TDRD1: variants seen among roughly 807,000 people sequenced by gnomAD.
The protein encoded by TDRD1 is tudor domain containing 1.
In TDRD1, 37 loss-of-function variants were observed where a neutral mutation model predicts 140.6. The observed-to-expected ratio is 0.26, with a 90% CI of 0.20 to 0.35. The LOEUF (loss-of-function observed/expected upper bound fraction) is 0.35, where lower values mean the gene tolerates loss of function less well. Ranked by LOEUF, TDRD1 falls within the 10% of genes least tolerant of loss-of-function variation. The probability of loss-of-function intolerance (pLI) is 1.00; values close to 1 mark genes in which losing one functional copy is unlikely to be tolerated. For synonymous variants in TDRD1, 506 were observed against 475.7 expected (o/e 1.06, Z -0.83); for missense variants, 1,243 against 1,393.0 (o/e 0.89, Z 1.71).
chr10:114,175,472 CA>C (rs1021253071), upstream of TDRD1, among the ~76,000 whole-genome samples: 1 of 152,036 alleles, frequency 6.6e-6, no homozygotes, highest in Non-Finnish European at 1.5e-5. Context: ...ACTCATGGTA[CA>C]TTTTTTTCGT....
chr10:114,218,800 C>T (rs894296369), intron 18 of TDRD1, among the ~76,000 whole-genome samples: 2 of 152,116 alleles, frequency 1.3e-5, no homozygotes, highest in African/African-American at 2.4e-5. Flanking sequence ...AAAAACTGCA[C>T]GATCCTCTGG....
At chr10:114,182,178 A>T (rs552029465) in intron 1 of TDRD1, among the ~76,000 whole-genome samples, 3 of 152,196 alleles carry the variant, frequency 2.0e-5, no homozygotes, top group Non-Finnish European at 1.5e-5. Context: ...TCATGTCAGT[A>T]TAAGAGTCTC....
upstream of TDRD1, among the ~76,000 whole-genome samples, chr10:114,176,362 C>T (rs927964951): frequency 1.3e-5 from 2 of 151,672 alleles, no homozygotes; most frequent in Non-Finnish European, 2.9e-5. This position sits in a 1 kb window ranked among gnomAD's most constrained non-coding sequence, Gnocchi z 4.2. Flanking sequence ...AAGAGAAACC[C>T]CTTTTTAAAA....
intron 3 of TDRD1, among the ~76,000 whole-genome samples, chr10:114,192,898 C>T (rs1459695978): frequency 6.6e-6 from 1 of 152,110 alleles, no homozygotes; most frequent in African/African-American, 2.4e-5. Context: ...CTTGATTTTT[C>T]TTTTTAAAAA....
chr10:114,204,666 GA>G, intron 9 of TDRD1, 55 bp from the exon 10 acceptor site: 3 of 1,503,022 alleles, frequency 2.0e-6, no homozygotes, highest in Non-Finnish European at 2.7e-6. Context: ...CAAATAATTA[GA>G]AAAAATCATT....
At chr10:114,203,784 C>G (rs547804376) in intron 8 of TDRD1, among the ~76,000 whole-genome samples, 1 of 152,210 alleles carries the variant, frequency 6.6e-6, no homozygotes, top group Non-Finnish European at 1.5e-5. Flanking sequence ...CTAGTTGTAG[C>G]CTGATGGCTA....
At chr10:114,196,090 A>G (rs773652522) in intron 3 of TDRD1, among the ~76,000 whole-genome samples, 2 of 152,150 alleles carry the variant, frequency 1.3e-5, no homozygotes, top group Non-Finnish European at 2.9e-5. Flanking sequence ...TTTTTGCTCA[A>G]ACTCTCAAAC....
At chr10:114,189,230 T>C (rs964764274) in intron 2 of TDRD1, among the ~76,000 whole-genome samples, 1 of 152,246 alleles carries the variant, frequency 6.6e-6, no homozygotes, top group African/African-American at 2.4e-5. Flanking sequence ...TCTTGATCAT[T>C]GTGTGCAGTA....
intron 1 of TDRD1, among the ~76,000 whole-genome samples, chr10:114,186,275 GT>G: frequency 6.6e-6 from 1 of 151,898 alleles, no homozygotes; most frequent in South Asian, 2.1e-4. Flanking sequence ...TTTTTTGTTT[GT>G]TTTTTGAGAT....
chr10:114,182,917 C>T (rs570933029), intron 1 of TDRD1, among the ~76,000 whole-genome samples: 20 of 152,158 alleles, frequency 1.3e-4, no homozygotes, highest in Admixed American at 1.2e-3. Context: ...ATCTCCTGAC[C>T]TCGTGATCCG....
intron 3 of TDRD1, among the ~76,000 whole-genome samples, chr10:114,195,040 A>C (rs974080179): frequency 9.9e-5 from 15 of 151,850 alleles, no homozygotes; most frequent in Non-Finnish European, 4.4e-5. Flanking sequence ...GATTACAGGC[A>C]TGAGTTGCCC....
At chr10:114,215,777 A>G (rs972978899) in intron 16 of TDRD1, among the ~76,000 whole-genome samples, 1 of 152,162 alleles carries the variant, frequency 6.6e-6, no homozygotes, top group Admixed American at 6.5e-5. Flanking sequence ...AACATAATAT[A>G]AAAATTCTAA....
chr10:114,231,187 C>G (rs1391988582), intron 25 of TDRD1, among the ~76,000 whole-genome samples: 1 of 152,204 alleles, frequency 6.6e-6, no homozygotes, highest in African/African-American at 2.4e-5. Flanking sequence ...ATAAAACCCT[C>G]TGTAATCTGT....
exon 14 of TDRD1, chr10:114,211,910 G>A (rs778426491): frequency 6.3e-7 from 1 of 1,596,216 alleles, no homozygotes; most frequent in South Asian, 1.2e-5. Flanking sequence ...TTACGCTTCT[G>A]AAGAATCTGT....
chr10:114,226,588 A>G (rs973608976), intron 22 of TDRD1, among the ~76,000 whole-genome samples: 4 of 152,156 alleles, frequency 2.6e-5, no homozygotes, highest in Non-Finnish European at 4.4e-5. Flanking sequence ...CTCTTTAGGG[A>G]CTAAAGGCAT....
chr10:114,203,683 C>T (rs1016726711), intron 8 of TDRD1, 116 bp downstream of exon 8: 2 of 893,078 alleles, frequency 2.2e-6, no homozygotes, highest in Non-Finnish European at 3.3e-6. Context: ...TCTGATCACG[C>T]TTCTATTCCT....
At chr10:114,216,027 T>C (rs1017155013) in intron 16 of TDRD1, among the ~76,000 whole-genome samples, 3 of 152,204 alleles carry the variant, frequency 2.0e-5, no homozygotes, top group African/African-American at 7.2e-5. Context: ...CCAGTCTCTT[T>C]TTAAATAACA....
intron 25 of TDRD1, among the ~76,000 whole-genome samples, chr10:114,230,072 C>T (rs1250554211): frequency 1.3e-5 from 2 of 152,154 alleles, no homozygotes; most frequent in Non-Finnish European, 2.9e-5. Flanking sequence ...ACCTCGTGAT[C>T]TGCCCTCCTC....
upstream of TDRD1, among the ~76,000 whole-genome samples, chr10:114,178,794 G>T (rs79874391): frequency 0.084 from 12,470 of 149,084 alleles, 636 homozygotes; most frequent in Middle Eastern, 0.15. Context: ...GATTAACCAT[G>T]AATTGATAAG....
Sources: gnomAD v4.1 joint callset for allele counts (sites outside exome capture counted in the v4.1 genomes callset) on GRCh38, gnomAD v4.1.1 for gene constraint, Gnocchi (gnomAD v3.1) non-coding constraint, MANE v1.5 for transcripts, NCBI Gene and HGNC (gene_info 2026-07-23, HGNC 2026-07-21) for gene names.